Variants in VOPP1 observed in about 807,000 individuals in gnomAD.
VOPP1 encodes VOPP1 WW domain binding protein.
Under a neutral mutation model 23.5 loss-of-function variants are expected in VOPP1, and 8 were observed. That is an observed-to-expected ratio of 0.34 (90% CI 0.20 to 0.61). VOPP1 has a LOEUF of 0.61. VOPP1 is among the 20% of genes least tolerant of loss of function. The probability of loss-of-function intolerance (pLI) is 0.78; values close to 1 mark genes in which losing one functional copy is unlikely to be tolerated. For missense variants in VOPP1, 174 were observed against 238.1 expected, an observed-to-expected ratio of 0.73 and a Z score of 1.77; for synonymous variants, 83 against 97.3, an observed-to-expected ratio of 0.85 and a Z score of 0.86.
chr7:55,499,181 A>G (rs1794190396), intron 2 of VOPP1, among the ~76,000 whole-genome samples: 1 of 152,022 alleles, frequency 6.6e-6, no homozygotes, highest in African/African-American at 2.4e-5. Context: ...GGCCGGGTGC[A>G]GTGGCTCACA....
intron 1 of VOPP1, among the ~76,000 whole-genome samples, chr7:55,564,243 G>GTCTCTCTCTGTCTCTCTC (rs1554302408): frequency 7.9e-6 from 1 of 125,896 alleles, no homozygotes; most frequent in Non-Finnish European, 1.6e-5. Flanking sequence ...CTCTGTCTCT[G>GTCTCTCTCTGTCTCTCTC]TCTCTCTCTC....
chr7:55,454,872 TC>T (rs1189863998), intron 4 of VOPP1, among the ~76,000 whole-genome samples: 4 of 152,148 alleles, frequency 2.6e-5, no homozygotes, highest in African/African-American at 9.7e-5. Context: ...TGGAAGCATT[TC>T]CCTTGAAAAC....
At chr7:55,477,397 C>A (rs1252477898) in intron 4 of VOPP1, among the ~76,000 whole-genome samples, 3 of 152,186 alleles carry the variant, frequency 2.0e-5, no homozygotes, top group Non-Finnish European at 2.9e-5. Context: ...TTTGGCGCTG[C>A]CAGATTGTGC....
intron 3 of VOPP1, among the ~76,000 whole-genome samples, chr7:55,497,298 ATCAGCCTTGGCTCCATT>A (rs1794022247): frequency 6.6e-6 from 1 of 152,194 alleles, no homozygotes. Flanking sequence ...CTTCAAGACA[ATCAGCCTTGGCTCCATT>A]TCAGAAACTG....
rs192055253 is a variant in VOPP1 at position 55,459,563 on chromosome 7, G to C, written n.418-23389C>G. 3.7e-3 allele frequency among the ~76,000 whole-genome samples: 570 copies of C among 152,194 alleles called. 4 individuals are homozygous for C. The highest frequency in any genetic ancestry group is 0.013 in the African/African-American group (555 of 41,540). Reference sequence around the variant, plus strand: ...CAATCTCATTACCAGTTATTGGTCTGTTCAGGTTTTCTATTTCTTCCAGGT... The same window carrying C: ...CAATCTCATTACCAGTTATTGGTCTCTTCAGGTTTTCTATTTCTTCCAGGT... On this transcript the variant is annotated intron_variant and non_coding_transcript_variant, in intron 4 of 4. Coordinates refer to the VOPP1 transcript ENST00000462326.
At chr7:55,561,899 C>T in intron 1 of VOPP1, 1 of 701,022 alleles carries the variant, frequency 1.4e-6, no homozygotes, top group Non-Finnish European at 2.6e-6. Flanking sequence ...ACCTGAGGGT[C>T]TTCAAGTATG....
intron 2 of VOPP1, among the ~76,000 whole-genome samples, chr7:55,507,947 T>C (rs1794839732): frequency 6.6e-6 from 1 of 152,180 alleles, no homozygotes; most frequent in Admixed American, 6.5e-5. Flanking sequence ...CAATCATTCC[T>C]TCAGAGACAC....
chr7:55,527,258 T>G (rs1796242693), intron 1 of VOPP1, among the ~76,000 whole-genome samples: 1 of 152,242 alleles, frequency 6.6e-6, no homozygotes, highest in Admixed American at 6.5e-5. Flanking sequence ...ATGGACATTT[T>G]GTTTCTCAGG....
At chr7:55,535,425 C>T (rs1181093827) in intron 1 of VOPP1, among the ~76,000 whole-genome samples, 1 of 152,236 alleles carries the variant, frequency 6.6e-6, no homozygotes, top group Non-Finnish European at 1.5e-5. Context: ...TGCTGCCTCA[C>T]TGAGGGTGAA....
chr7:55,445,337 T>C (rs987786205), intron 4 of VOPP1, among the ~76,000 whole-genome samples: 3 of 151,836 alleles, frequency 2.0e-5, no homozygotes, highest in African/African-American at 7.3e-5. Flanking sequence ...GCTGTAGACA[T>C]TGGGACCCCT....
rs141641862 is a variant in VOPP1, at chr7:55,541,580, A to C, written c.55-20450T>G. Among the ~76,000 whole-genome samples the C allele has an allele frequency of 4.6e-5, 7 of 152,386 alleles. 1 individual carries two copies. Among genetic ancestry groups the C allele is most frequent in the Non-Finnish European group, 1.0e-4 (7 of 68,034 alleles). On this transcript the variant is annotated intron_variant, in intron 1 of 4. Transcript: ENST00000285279. Reference sequence around the variant, plus strand: ...TTCCTCAAAAGGCTAAACAGTCATCACATAACCTAGCAATTCCACTTGTAG... The same window carrying C: ...TTCCTCAAAAGGCTAAACAGTCATCCCATAACCTAGCAATTCCACTTGTAG...
chr7:55,513,527 A>T (rs1440786275), intron 2 of VOPP1, among the ~76,000 whole-genome samples: 1 of 152,098 alleles, frequency 6.6e-6, no homozygotes, highest in Non-Finnish European at 1.5e-5. Context: ...AAACTAAAAT[A>T]AGTGAGCAAA....
At chr7:55,520,610 C>T (rs184865683) in intron 2 of VOPP1, among the ~76,000 whole-genome samples, 1 of 152,228 alleles carries the variant, frequency 6.6e-6, no homozygotes, top group Non-Finnish European at 1.5e-5. Flanking sequence ...AGCTCTCTGG[C>T]GAGGAGGCCT....
At chr7:55,544,942 A>G (rs1347681590) in intron 1 of VOPP1, among the ~76,000 whole-genome samples, 2 of 152,248 alleles carry the variant, frequency 1.3e-5, no homozygotes, top group Non-Finnish European at 2.9e-5. Context: ...ACTTTCGTGT[A>G]ATCGGTACTG....
chr7:55,528,578 G>A (rs1033026400), intron 1 of VOPP1, among the ~76,000 whole-genome samples: 1 of 152,036 alleles, frequency 6.6e-6, no homozygotes, highest in Non-Finnish European at 1.5e-5. Flanking sequence ...CCAGCTACTC[G>A]GGAGGCTGAG....
intron 1 of VOPP1, among the ~76,000 whole-genome samples, chr7:55,557,498 C>T (rs903808026): frequency 6.6e-6 from 1 of 151,594 alleles, no homozygotes; most frequent in Non-Finnish European, 1.5e-5. Context: ...ACCCCATATG[C>T]TAGCAAGAAG....
At chr7:55,498,117 C>T (rs189579520) in intron 2 of VOPP1, among the ~76,000 whole-genome samples, 193 of 152,378 alleles carry the variant, frequency 1.3e-3, no homozygotes, top group African/African-American at 4.2e-3. Flanking sequence ...CCACCACATC[C>T]ACTGAGGCTA....
At chr7:55,494,756 G>A (rs1314456115) in intron 3 of VOPP1, among the ~76,000 whole-genome samples, 1 of 152,116 alleles carries the variant, frequency 6.6e-6, no homozygotes. Context: ...CATTGTGCTA[G>A]GCCAAGAACT....
intron 4 of VOPP1, among the ~76,000 whole-genome samples, chr7:55,463,839 T>C (rs935832084): frequency 9.9e-5 from 15 of 152,280 alleles, no homozygotes; most frequent in African/African-American, 2.9e-4. Flanking sequence ...ATAGTGCACA[T>C]AGATGCAGGC....
Sources: allele counts gnomAD v4.1 joint callset (sites outside exome capture counted in the v4.1 genomes callset), GRCh38; gene constraint gnomAD v4.1.1; transcripts MANE v1.5; gene names NCBI Gene and HGNC (gene_info 2026-07-23, HGNC 2026-07-21).